Variants in XIST observed in about 807,000 individuals in gnomAD.
XIST encodes X inactive specific transcript (non-protein coding).
At chrX:73,829,518 C>T (rs1922335891) in intron 4 of XIST, 4 of 180,307 alleles carry the variant, frequency 2.2e-5, no homozygotes, top group Non-Finnish European at 4.1e-5. Context: ...CTGCCGGGCG[C>T]GGTGGCTCAC....
exon 1 of XIST, chrX:73,849,074 T>C (rs775548178): frequency 5.4e-6 from 3 of 557,918 alleles, no homozygotes; most frequent in African/African-American, 2.2e-5. Context: ...ATTGGGATTT[T>C]ACTCAATAAT....
At chrX:73,824,741 A>T (rs1347423973) in exon 6 of XIST, 2 of 557,215 alleles carry the variant, frequency 3.6e-6, no homozygotes, top group African/African-American at 4.5e-5. Context: ...TGGATCTCAC[A>T]TCTATTACTT....
chrX:73,845,618 C>G (rs1342208183), exon 1 of XIST: 1 of 554,930 alleles, frequency 1.8e-6, no homozygotes, highest in Non-Finnish European at 3.2e-6. Flanking sequence ...GATTCAGTAC[C>G]CCTGCTGTAC....
At chrX:73,830,719 T>C (rs1922363418) in intron 4 of XIST, among the ~76,000 whole-genome samples, 1 of 112,109 alleles carries the variant, frequency 8.9e-6, no homozygotes, top group South Asian at 3.7e-4. Flanking sequence ...AGAGAGACTT[T>C]GGGGACCACA....
chrX:73,851,348 G>A (rs1455994124), exon 1 of XIST: 1 of 559,383 alleles, frequency 1.8e-6, no homozygotes, highest in East Asian at 3.2e-5. Flanking sequence ...GGCCCGCCAT[G>A]TTTTACACTG....
exon 6 of XIST, chrX:73,820,922 G>A (rs371673268): frequency 2.6e-4 from 145 of 557,673 alleles, no homozygotes; most frequent in Non-Finnish European, 4.0e-4. Context: ...CCTTGTGTCT[G>A]CATAAAAGCA....
At chrX:73,847,111 TC>T in exon 1 of XIST, 1 of 559,215 alleles carries the variant, frequency 1.8e-6, no homozygotes, top group Non-Finnish European at 3.2e-6. Context: ...AGTAGGTACT[TC>T]CAGCTGGGAT....
exon 6 of XIST, chrX:73,825,786 T>C (rs763538380): frequency 1.9e-6 from 1 of 522,551 alleles, no homozygotes; most frequent in Non-Finnish European, 3.4e-6. Flanking sequence ...GTTAACTGCA[T>C]GATTGCCAAT....
exon 6 of XIST, chrX:73,821,072 C>G (rs1455849758): frequency 5.4e-6 from 3 of 557,054 alleles, no homozygotes; most frequent in Admixed American, 4.5e-5. Flanking sequence ...TTTCCATTTT[C>G]CAATAATCCA....
exon 6 of XIST, chrX:73,827,263 G>T (rs377006194): frequency 7.2e-6 from 4 of 558,393 alleles, no homozygotes; most frequent in East Asian, 3.2e-5. Context: ...TCAGGCAGGG[G>T]TTAGGAAGCC....
At chrX:73,837,668 A>G (rs1922509677) in intron 1 of XIST, among the ~76,000 whole-genome samples, 1 of 112,013 alleles carries the variant, frequency 8.9e-6, no homozygotes, top group South Asian at 3.7e-4. Context: ...CAGAAACTCT[A>G]TCTTCAGAAT....
chrX:73,842,048 A>G (rs1603361843), exon 1 of XIST: 1 of 549,176 alleles, frequency 1.8e-6, no homozygotes, highest in East Asian at 3.3e-5. Flanking sequence ...CCACAGACCC[A>G]CCACCCTCAG....
At chrX:73,827,862 G>C (rs1351167910) in exon 6 of XIST, 1 of 527,925 alleles carries the variant, frequency 1.9e-6, no homozygotes, top group Middle Eastern at 3.1e-4. Flanking sequence ...TGAACAAAAA[G>C]AGAAAATGAG....
chrX:73,849,891 G>A (rs1922870557), exon 1 of XIST: 1 of 500,565 alleles, frequency 2.0e-6, no homozygotes, highest in African/African-American at 2.5e-5. Context: ...CTGGGGCGGG[G>A]TGGGAGTAGG....
exon 1 of XIST, chrX:73,846,443 G>A (rs368387830): frequency 8.3e-5 from 46 of 556,081 alleles, no homozygotes; most frequent in African/African-American, 5.0e-4. Flanking sequence ...GATCCCAGAC[G>A]ATTATAATCA....
At position 73,851,763 on chromosome X, in the gene XIST, T is replaced by G. The variant is rs749184687; in HGVS notation, n.961A>C. On this transcript the variant is annotated non_coding_transcript_exon_variant, in exon 1 of 6. Coordinates refer to ENST00000429829, the Ensembl canonical transcript of XIST. Reference sequence around the variant, plus strand: ...CCTGCTATCATCCATCTTGCCTCCCTAGTTTAACTTAGCACAAACGACTAG... The same window carrying G: ...CCTGCTATCATCCATCTTGCCTCCCGAGTTTAACTTAGCACAAACGACTAG... 1.3e-5 allele frequency: 7 copies of G among 557,048 alleles called. No individual in the cohort carries two copies. In the South Asian group the frequency reaches 1.6e-4, roughly 12 times the overall value. The allele number at this position is 557,048 out of a possible 1,213,427, so 45.9% of individuals were successfully genotyped here.
chrX:73,844,506 A>G (rs763820345), exon 1 of XIST: 30 of 556,973 alleles, frequency 5.4e-5, no homozygotes, highest in Non-Finnish European at 8.1e-5. Context: ...AAATAGGATA[A>G]GCCATGTGCA....
chrX:73,820,988 C>T (rs1291817048), exon 6 of XIST: 1 of 558,955 alleles, frequency 1.8e-6, no homozygotes, highest in Non-Finnish European at 3.2e-6. Context: ...ATAAAATGTT[C>T]TCTTATTCTT....
chrX:73,826,408 T>C lies in XIST; in HGVS notation n.13493A>G, dbSNP rs762759699. On this transcript the variant is annotated non_coding_transcript_exon_variant, in exon 6 of 6. Transcript: ENST00000429829. ...ACTGGATTTTGGTGTCTCTCTCAAG[T>C]GGAGAAGATGTGAATAGAAACAGAA... is the stretch of plus-strand genomic sequence containing the variant. 2.5e-5 allele frequency: 14 copies of C among 556,151 alleles called. No homozygotes were observed. The South Asian group carries it at 2.9e-4, about 12-fold the overall frequency. 45.8% of individuals were successfully genotyped at this position (556,151 alleles called of 1,213,427 possible). A position where few individuals can be genotyped will look rare whatever the true frequency, so the allele number is the denominator to read the frequency against.
Sources: allele counts gnomAD v4.1 joint callset (sites outside exome capture counted in the v4.1 genomes callset), GRCh38; gene constraint gnomAD v4.1.1; transcripts MANE v1.5; gene names NCBI Gene and HGNC (gene_info 2026-07-23, HGNC 2026-07-21).